Variants in LRRC4C observed in about 807,000 individuals in gnomAD.
The protein encoded by LRRC4C is leucine-rich repeat-containing protein 4C.
LRRC4C carries 5 observed loss-of-function variants against 33.6 expected under a neutral mutation model. That is an observed-to-expected ratio of 0.15 (90% CI 0.08 to 0.31). The LOEUF is 0.31. LRRC4C is among the 10% of genes least tolerant of loss of function. The probability of loss-of-function intolerance (pLI) is 1.00; values close to 1 mark genes in which losing one functional copy is unlikely to be tolerated. For missense variants in LRRC4C, 560 were observed against 796.7 expected (o/e 0.70, Z 3.58); for synonymous variants, 329 against 302.0 (o/e 1.09, Z -0.93).
At chr11:40,955,022 C>T (rs541320138) in intron 1 of LRRC4C, among the ~76,000 whole-genome samples, 1 of 151,930 alleles carries the variant, frequency 6.6e-6, no homozygotes, top group South Asian at 2.1e-4. Flanking sequence ...CAGCCCCCAC[C>T]TACACTAGAA....
chr11:40,711,459 T>C (rs1242415893), intron 2 of LRRC4C, among the ~76,000 whole-genome samples: 1 of 152,204 alleles, frequency 6.6e-6, no homozygotes, highest in Non-Finnish European at 1.5e-5. Flanking sequence ...TTTAAAAATG[T>C]ATAAATTGGT....
chr11:41,422,566 T>C (rs1415848974), intron 1 of LRRC4C, among the ~76,000 whole-genome samples: 2 of 152,070 alleles, frequency 1.3e-5, no homozygotes, highest in African/African-American at 4.8e-5. Context: ...GACCTGAGTC[T>C]TTCATGATAC....
intron 2 of LRRC4C, among the ~76,000 whole-genome samples, chr11:40,714,548 T>C (rs1946617167): frequency 6.6e-6 from 1 of 152,212 alleles, no homozygotes; most frequent in South Asian, 2.1e-4. Flanking sequence ...ATATCCTCTG[T>C]ATCGCTGTTC....
intron 1 of LRRC4C, among the ~76,000 whole-genome samples, chr11:41,142,125 T>TTATA (rs147536248): frequency 3.3e-5 from 5 of 151,870 alleles, no homozygotes; most frequent in African/African-American, 4.8e-5. Context: ...TTTCTTGCCA[T>TTATA]TATATATATA....
At chr11:41,164,190 TA>T (rs66770123) in intron 1 of LRRC4C, among the ~76,000 whole-genome samples, 76,101 of 120,978 alleles carry the variant, frequency 0.63, 22,620 homozygotes, top group South Asian at 0.75. Context: ...TTACCTTTTT[TA>T]TTTTTTTTTT....
chr11:40,885,819 GC>G (rs1178255016), intron 2 of LRRC4C, among the ~76,000 whole-genome samples: 2 of 152,054 alleles, frequency 1.3e-5, no homozygotes, highest in Non-Finnish European at 2.9e-5. Flanking sequence ...TGTACCAGGT[GC>G]CATGTTAAAT....
intron 1 of LRRC4C, among the ~76,000 whole-genome samples, chr11:40,963,475 G>C (rs1442453676): frequency 6.6e-6 from 1 of 151,642 alleles, no homozygotes; most frequent in Non-Finnish European, 1.5e-5. Context: ...ACTTCCCAAA[G>C]TCACACATTA....
intron 4 of LRRC4C, among the ~76,000 whole-genome samples, chr11:40,250,187 G>A (rs1047272362): frequency 1.3e-5 from 2 of 152,108 alleles, no homozygotes; most frequent in Non-Finnish European, 2.9e-5. Flanking sequence ...AAGACCCCAT[G>A]ACTGTTACAT....
chr11:40,193,228 C>T (rs1383768162), intron 5 of LRRC4C, among the ~76,000 whole-genome samples: 1 of 152,068 alleles, frequency 6.6e-6, no homozygotes, highest in Non-Finnish European at 1.5e-5. Context: ...TGGTGGGTGC[C>T]CCTCTGGGAG....
At chr11:40,337,228 A>G (rs1252919058) in intron 3 of LRRC4C, among the ~76,000 whole-genome samples, 1 of 152,190 alleles carries the variant, frequency 6.6e-6, no homozygotes, top group Non-Finnish European at 1.5e-5. Context: ...GGAACTGAGT[A>G]AAAAATGTGT....
intron 5 of LRRC4C, among the ~76,000 whole-genome samples, chr11:40,214,272 C>T (rs953177227): frequency 1.3e-5 from 2 of 152,164 alleles, no homozygotes; most frequent in African/African-American, 4.8e-5. Context: ...TGTGCCCTTC[C>T]CCTATGGTAT....
chr11:40,903,331 T>C (rs1639016005), intron 2 of LRRC4C, among the ~76,000 whole-genome samples: 2 of 152,206 alleles, frequency 1.3e-5, no homozygotes, highest in Non-Finnish European at 2.9e-5. Flanking sequence ...TTAAAAACGT[T>C]ACTGCTGATT....
At chr11:40,421,044 G>A (rs918768914) in intron 3 of LRRC4C, among the ~76,000 whole-genome samples, 31 of 152,240 alleles carry the variant, frequency 2.0e-4, no homozygotes, top group Admixed American at 5.9e-4. Flanking sequence ...CCTTGAAATG[G>A]AGCTCATAGC....
chr11:41,355,480 A>C (rs1218359418), intron 1 of LRRC4C, among the ~76,000 whole-genome samples: 1 of 152,150 alleles, frequency 6.6e-6, no homozygotes, highest in South Asian at 2.1e-4. Context: ...TGATTATAAT[A>C]TATGTTAAAA....
intron 3 of LRRC4C, among the ~76,000 whole-genome samples, chr11:40,517,917 A>G (rs184943278): frequency 1.3e-5 from 2 of 152,296 alleles, no homozygotes; most frequent in Non-Finnish European, 2.9e-5. Context: ...ACAGATATAT[A>G]GACCAATAGA....
intron 2 of LRRC4C, among the ~76,000 whole-genome samples, chr11:40,881,885 G>A (rs1955194927): frequency 6.6e-6 from 1 of 152,016 alleles, no homozygotes; most frequent in East Asian, 1.9e-4. Context: ...TTGAACATGA[G>A]CAAGGCAGGT....
intron 3 of LRRC4C, among the ~76,000 whole-genome samples, chr11:40,584,128 TATTGCA>T (rs1446777827): frequency 7.0e-6 from 1 of 142,740 alleles, no homozygotes; most frequent in Non-Finnish European, 1.5e-5. Context: ...GGTACAAGAC[TATTGCA>T]ATTTTGGACT....
chr11:41,374,951 T>G (rs377326481), intron 1 of LRRC4C, among the ~76,000 whole-genome samples: 29 of 151,740 alleles, frequency 1.9e-4, no homozygotes, highest in African/African-American at 7.0e-4. Context: ...CATGGCAAAA[T>G]CCCGTCTCTA....
intron 1 of LRRC4C, among the ~76,000 whole-genome samples, chr11:41,354,603 G>T (rs928297501): frequency 6.6e-6 from 1 of 151,872 alleles, no homozygotes; most frequent in South Asian, 2.1e-4. Context: ...AAAGCTGGAG[G>T]AATCACACTA....
Sources: allele counts gnomAD v4.1 joint callset (sites outside exome capture counted in the v4.1 genomes callset), GRCh38; gene constraint gnomAD v4.1.1; transcripts MANE v1.5; gene names NCBI Gene and HGNC (gene_info 2026-07-23, HGNC 2026-07-21).